Variants in PIGH observed in about 807,000 individuals in gnomAD.
PIGH encodes phosphatidylinositol glycan anchor biosynthesis class H.
Under a neutral mutation model 20.1 loss-of-function variants are expected in PIGH, and 11 were observed. That is an observed-to-expected ratio of 0.55 (90% CI 0.34 to 0.91). The LOEUF is 0.91. Ranked by LOEUF, PIGH falls within the 40% of genes least tolerant of loss-of-function variation. The probability of loss-of-function intolerance (pLI) is 0.02; values close to 1 mark genes in which losing one functional copy is unlikely to be tolerated. For missense variants in PIGH, 189 were observed against 233.6 expected, an observed-to-expected ratio of 0.81 and a Z score of 1.24; for synonymous variants, 72 against 93.1, an observed-to-expected ratio of 0.77 and a Z score of 1.31.
intron 1 of PIGH, among the ~76,000 whole-genome samples, chr14:67,595,992 A>G (rs995296184): frequency 1.3e-5 from 2 of 152,242 alleles, no homozygotes; most frequent in African/African-American, 4.8e-5. Flanking sequence ...TAAGGGCTCA[A>G]AAAATGGTGT....
chr14:67,597,366 T>C (rs1195009890), intron 1 of PIGH, among the ~76,000 whole-genome samples: 1 of 152,064 alleles, frequency 6.6e-6, no homozygotes, highest in African/African-American at 2.4e-5. Flanking sequence ...TAGTCCCAGC[T>C]ACTCAGGTGG....
intron 2 of PIGH, 22 bp downstream of exon 2, chr14:67,593,721 T>G (rs1213959288): frequency 6.7e-7 from 1 of 1,493,530 alleles, no homozygotes; most frequent in African/African-American, 1.4e-5. Context: ...AGGCCTGTAA[T>G]ACTTACCTTT....
rs535887832 is a variant in PIGH at position 67,600,263 on chromosome 14, C to G, written c.-60G>C. 42 of 1,377,694 alleles carry G rather than the reference C, an allele frequency of 3.0e-5. No homozygotes were observed. The South Asian group carries it at 3.5e-4, about 12-fold the overall frequency. The allele number at this position is 1,377,694 out of a possible 1,614,324, so 85.3% of individuals were successfully genotyped here. ...CTGCACTGCGCTCGCCGGCCCTGGC[C>G]GTCTCGCCCGCTCCAGACCCGCTTC... On this transcript the variant is annotated 5_prime_UTR_variant, in exon 1 of 4. Coordinates refer to ENST00000216452, the MANE Select transcript of PIGH (RefSeq NM_004569.5).
At chr14:67,599,002 G>T (rs139998464) in intron 1 of PIGH, among the ~76,000 whole-genome samples, 94 of 152,302 alleles carry the variant, frequency 6.2e-4, no homozygotes, top group African/African-American at 2.1e-3. Flanking sequence ...GAGGTACAGT[G>T]CTTTGCCTGA....
At position 67,589,903 on chromosome 14, in the gene PIGH, AC is replaced by A. The variant is rs2036317117; in HGVS notation, c.*176del. ...CCTTACAAGGAAAACACTATAATAC[AC>A]GGAAATATACTGAGTTAGATTTCCA... On this transcript the variant is annotated 3_prime_UTR_variant, in exon 4 of 4. Coordinates refer to ENST00000216452, the MANE Select transcript of PIGH (RefSeq NM_004569.5). 7.9e-7 allele frequency: 1 copy of A among 1,270,892 alleles called. No individual in the cohort carries two copies. Among genetic ancestry groups the A allele is most frequent in the South Asian group, 3.1e-5 (1 of 31,760 alleles). The allele number at this position is 1,270,892 out of a possible 1,614,324, so 78.7% of individuals were successfully genotyped here.
At chr14:67,593,620 TAA>T in intron 2 of PIGH, 121 bp downstream of exon 2, 1 of 616,636 alleles carries the variant, frequency 1.6e-6, no homozygotes, top group East Asian at 2.7e-5. Context: ...TCTTTAAAAA[TAA>T]AGAGATTTAC....
intron 3 of PIGH, among the ~76,000 whole-genome samples, chr14:67,591,342 C>T (rs571411745): frequency 1.3e-5 from 2 of 152,128 alleles, no homozygotes; most frequent in African/African-American, 4.8e-5. Context: ...CTCTGGAGCC[C>T]GATCTTAAAC....
chr14:67,592,838 T>C, intron 2 of PIGH, 120 bp from the exon 3 acceptor site: 1 of 649,394 alleles, frequency 1.5e-6, no homozygotes, highest in Non-Finnish European at 2.7e-6. Context: ...CAAGCTGCAG[T>C]GCAGTGGCGC....
intron 2 of PIGH, 76 bp from the exon 3 acceptor site, chr14:67,592,794 A>AT: frequency 2.1e-6 from 2 of 970,540 alleles, no homozygotes; most frequent in East Asian, 2.6e-5. Context: ...TCCTTTATTT[A>AT]TTTATTTTTG....
chr14:67,594,444 C>T (rs756912284), intron 1 of PIGH, among the ~76,000 whole-genome samples: 7 of 151,962 alleles, frequency 4.6e-5, no homozygotes, highest in Non-Finnish European at 8.8e-5. Flanking sequence ...GTCAAGAGAT[C>T]GAGACCATCC....
At chr14:67,592,402 C>T in intron 3 of PIGH, 1 of 494,444 alleles carries the variant, frequency 2.0e-6, no homozygotes, top group Non-Finnish European at 3.6e-6. Context: ...ATTGTCACTG[C>T]ACTCCAGCCT....
chr14:67,600,045 G>C lies in PIGH; in HGVS notation c.159C>G (p.Tyr53Ter). The change falls in exon 1 of 4, where the codon TAC (tyrosine) becomes TAG (stop). Residue 53 changes from tyrosine (Y) to a stop codon, truncating the protein, a stop_gained. Coordinates refer to ENST00000216452, the MANE Select transcript of PIGH (RefSeq NM_004569.5). LOFTEE classifies it high-confidence loss of function. ...AVTCTVWLAAYGLFTLCENSM... is the reference protein window; with the variant it reads ...AVTCTVWLAA ...TTACCTCGCAGAGGGTGAAGAGTCC[G>C]TAGGCCGCCAGCCACACCGTGCAGG... The C allele has an allele frequency of 6.3e-7, 1 of 1,575,746 alleles. No homozygotes were observed. The highest frequency in any genetic ancestry group is 8.6e-7 in the Non-Finnish European group (1 of 1,162,520).
chr14:67,600,145 C>G lies in PIGH; in HGVS notation c.59G>C (p.Arg20Pro). 1 of 1,593,400 alleles carries G rather than the reference C, an allele frequency of 6.3e-7. No individual in the cohort carries two copies. The highest frequency in any genetic ancestry group is 8.5e-7 in the Non-Finnish European group (1 of 1,170,858). ...TTCCCGGCAGGACGGGGAGTAGTAG[C>G]GGCGCTGCAGCGCCAGGCGGCCGCC... ...ICGGRLALQR[R>P]YYSPSCREFC... is the part of the protein sequence containing the mutation. Residue 20 changes from arginine (R) to proline (P), a missense_variant, in exon 1 of 4, where the codon CGC (arginine) becomes CCC (proline). Physicochemically the swap from Arg to Pro is moderately radical, Grantham distance 103 (BLOSUM62 -2). Transcript: ENST00000216452.
At chr14:67,595,124 G>A (rs910684376) in intron 1 of PIGH, among the ~76,000 whole-genome samples, 4 of 145,124 alleles carry the variant, frequency 2.8e-5, no homozygotes, top group Admixed American at 7.3e-5. Flanking sequence ...GTGACAGAGC[G>A]AGACTCCGTC....
At chr14:67,597,090 ATTT>A (rs2036488779) in intron 1 of PIGH, among the ~76,000 whole-genome samples, 1 of 152,218 alleles carries the variant, frequency 6.6e-6, no homozygotes, top group Non-Finnish European at 1.5e-5. Context: ...GCAAAGAATG[ATTT>A]TTAAGTTTTT....
Position 67,600,079 on chromosome 14 carries a change from G to C in PIGH, c.125C>G (p.Thr42Ser). The C allele has an allele frequency of 6.3e-7, 1 of 1,593,180 alleles. No individual in the cohort carries two copies. Among genetic ancestry groups the C allele is most frequent in the Non-Finnish European group, 8.5e-7 (1 of 1,170,204 alleles). ...SCPRLSLRSL[T>S]AVTCTVWLAA... ...CAGCCACACCGTGCAGGTGACAGCG[G>C]TGAGCGAACGCAGCGAGAGCCGAGG... Residue 42 changes from threonine (T) to serine (S), a missense_variant, in exon 1 of 4, where the codon ACC (threonine) becomes AGC (serine). Transcript: ENST00000216452.
intron 1 of PIGH, among the ~76,000 whole-genome samples, chr14:67,594,741 A>G (rs967750826): frequency 6.6e-6 from 1 of 152,212 alleles, no homozygotes; most frequent in Non-Finnish European, 1.5e-5. Flanking sequence ...TATAAGATGA[A>G]AATGCATTTA....
intron 1 of PIGH, among the ~76,000 whole-genome samples, chr14:67,596,216 C>T (rs1264139572): frequency 6.6e-6 from 1 of 150,780 alleles, no homozygotes; most frequent in Non-Finnish European, 1.5e-5. Context: ...GCAACCTCCA[C>T]CTCCCGGGTT....
Position 67,600,265 on chromosome 14 carries a change from T to G in PIGH, c.-62A>C. On this transcript the variant is annotated 5_prime_UTR_variant, in exon 1 of 4. Transcript: ENST00000216452. ...GCACTGCGCTCGCCGGCCCTGGCCG[T>G]CTCGCCCGCTCCAGACCCGCTTCCG... is the stretch of plus-strand genomic sequence containing the variant. 1 of 1,370,314 alleles carries G rather than the reference T, an allele frequency of 7.3e-7. No homozygotes were observed. The allele number at this position is 1,370,314 out of a possible 1,614,324, so 84.9% of individuals were successfully genotyped here.
Sources: allele counts gnomAD v4.1 joint callset (sites outside exome capture counted in the v4.1 genomes callset), GRCh38; gene constraint gnomAD v4.1.1; transcripts MANE v1.5; gene names NCBI Gene and HGNC (gene_info 2026-07-23, HGNC 2026-07-21).